LTBP1: variants seen among roughly 807,000 people sequenced by gnomAD.
LTBP1 encodes latent transforming growth factor beta binding protein 1.
Under a neutral mutation model 207.6 loss-of-function variants are expected in LTBP1, and 129 were observed. That is an observed-to-expected ratio of 0.62 (90% CI 0.54 to 0.72). LTBP1 has a LOEUF of 0.72. Among genes scored for constraint, LTBP1 ranks in the 30% least tolerant of loss-of-function variants. LTBP1 has a pLI of 0.00. For missense variants in LTBP1, 2,281 were observed against 2,217.2 expected (o/e 1.03, Z -0.58); for synonymous variants, 963 against 833.7 (o/e 1.16, Z -2.67).
At chr2:33,355,021 G>A (rs769975685) in intron 26 of LTBP1, among the ~76,000 whole-genome samples, 15 of 152,124 alleles carry the variant, frequency 9.9e-5, no homozygotes, top group Non-Finnish European at 2.1e-4. Context: ...ATGCATTTTG[G>A]ATCCTAGAAC....
chr2:33,119,252 A>G (rs965852096), intron 4 of LTBP1, among the ~76,000 whole-genome samples: 2 of 152,012 alleles, frequency 1.3e-5, no homozygotes, highest in African/African-American at 2.4e-5. Flanking sequence ...AAGAAAAGAG[A>G]TGGTGCCTCC....
At chr2:33,088,859 T>C (rs1572578905) in intron 3 of LTBP1, among the ~76,000 whole-genome samples, 1 of 151,960 alleles carries the variant, frequency 6.6e-6, no homozygotes, top group East Asian at 1.9e-4. Flanking sequence ...AGTTGTGCAT[T>C]GAAAATGCGT....
rs191191569 is a variant in LTBP1, at chr2:33,229,597, A to C, written c.1876+7446A>C. 2.2e-4 allele frequency among the ~76,000 whole-genome samples: 33 copies of C among 152,374 alleles called. No homozygotes were observed. The East Asian group carries it at 5.8e-3, about 27-fold the overall frequency. On this transcript the variant is annotated intron_variant, in intron 9 of 33. Transcript: ENST00000404816. The stretch of plus-strand genomic sequence containing the variant: ...TATATTAATAAAAATACCACTTTAG[A>C]AGTGATAGAAGTGCAAATTTGCAAG...
At chr2:33,113,544 G>C (rs2080538992) in intron 4 of LTBP1, among the ~76,000 whole-genome samples, 1 of 152,154 alleles carries the variant, frequency 6.6e-6, no homozygotes, top group African/African-American at 2.4e-5. Context: ...TATTTTATGG[G>C]ATTTTCCCAC....
At position 33,398,476 on chromosome 2, in the gene LTBP1, T is replaced by C; in HGVS notation, c.5097T>C (p.Ser1699=). The C allele has an allele frequency of 6.2e-7, 1 of 1,614,256 alleles. No homozygotes were observed. Among genetic ancestry groups the C allele is most frequent in the Non-Finnish European group, 8.5e-7 (1 of 1,180,034 alleles). Reference sequence around the variant, plus strand: ...TGTGTCTGCCAGGCTACGTGCCTTCTGACAAGCCAAACTACTGCACTCCGT... The same window carrying C: ...TGTGTCTGCCAGGCTACGTGCCTTCCGACAAGCCAAACTACTGCACTCCGT... ...KCLCLPGYVP[S]DKPNYCTPLN... The change falls in exon 34 of 34, where the codon TCT becomes TCC. Residue 1699 remains serine (S), a synonymous_variant. Coordinates refer to ENST00000404816, the MANE Select transcript of LTBP1 (RefSeq NM_206943.4).
At chr2:33,161,255 T>C (rs2084438459) in intron 5 of LTBP1, among the ~76,000 whole-genome samples, 1 of 151,606 alleles carries the variant, frequency 6.6e-6, no homozygotes, top group Non-Finnish European at 1.5e-5. Context: ...GAAGCTTTTT[T>C]TTTTTCCTTT....
At chr2:33,154,961 G>C (rs932713546) in intron 5 of LTBP1, among the ~76,000 whole-genome samples, 3 of 152,058 alleles carry the variant, frequency 2.0e-5, no homozygotes, top group South Asian at 2.1e-4. Context: ...GACTTGGGAG[G>C]CTGAGTCAGG....
intron 3 of LTBP1, among the ~76,000 whole-genome samples, chr2:33,064,369 C>A (rs769730122): frequency 6.6e-6 from 1 of 152,132 alleles, no homozygotes; most frequent in African/African-American, 2.4e-5. Flanking sequence ...AAAAGTTAGC[C>A]TCCCACAGTT....
At chr2:33,310,147 C>T (rs2094162421) in intron 23 of LTBP1, among the ~76,000 whole-genome samples, 1 of 152,070 alleles carries the variant, frequency 6.6e-6, no homozygotes, top group Non-Finnish European at 1.5e-5. Context: ...GGGGGTTTCA[C>T]CACCTTGGCC....
intron 7 of LTBP1, among the ~76,000 whole-genome samples, chr2:33,200,312 A>G (rs1351863687): frequency 6.6e-6 from 1 of 152,244 alleles, no homozygotes; most frequent in Admixed American, 6.5e-5. Flanking sequence ...AGCCCTCAGA[A>G]ATAATGCCAC....
chr2:32,983,734 A>G (rs553959661), intron 2 of LTBP1, among the ~76,000 whole-genome samples: 1 of 152,330 alleles, frequency 6.6e-6, no homozygotes, highest in East Asian at 1.9e-4. Context: ...GCCTGACGCC[A>G]TGTAAAATGT....
At chr2:33,092,848 C>T (rs1489613011) in intron 3 of LTBP1, among the ~76,000 whole-genome samples, 2 of 152,174 alleles carry the variant, frequency 1.3e-5, no homozygotes, top group African/African-American at 4.8e-5. Flanking sequence ...CACCTCTCTT[C>T]CCCACCCTCC....
intron 31 of LTBP1, among the ~76,000 whole-genome samples, chr2:33,375,935 T>A (rs1209709788): frequency 6.6e-6 from 1 of 151,564 alleles, no homozygotes; most frequent in African/African-American, 2.4e-5. Context: ...TCACATTTTA[T>A]CATCCTATTT....
intron 17 of LTBP1, 33 bp from the exon 18 acceptor site, chr2:33,275,768 A>G: frequency 6.2e-7 from 1 of 1,613,594 alleles, no homozygotes; most frequent in Non-Finnish European, 8.5e-7. Context: ...TATTTGGAAC[A>G]CAAAACTCAA....
intron 3 of LTBP1, among the ~76,000 whole-genome samples, chr2:33,102,394 C>T (rs2079789424): frequency 6.6e-6 from 1 of 152,120 alleles, no homozygotes; most frequent in Admixed American, 6.5e-5. Context: ...CCAGACATTG[C>T]CAAGTGTCCC....
rs1347710946 is a variant in LTBP1 at position 33,398,714 on chromosome 2, A to G, written c.*169A>G. On this transcript the variant is annotated 3_prime_UTR_variant, in exon 34 of 34. Transcript: ENST00000404816. ...TGAGAGGATTTAGGATGAGCCCGAT[A>G]GGTGTGGCAGACCAAATGGACATTT... 1.8e-6 allele frequency: 1 copy of G among 557,242 alleles called. No homozygotes were observed. The allele number at this position is 557,242 out of a possible 1,614,324, so 34.5% of individuals were successfully genotyped here.
chr2:33,364,043 A>G (rs574838004), intron 29 of LTBP1, among the ~76,000 whole-genome samples, 173 bp from the exon 30 acceptor site: 93 of 152,346 alleles, frequency 6.1e-4, no homozygotes, highest in Admixed American at 1.6e-3. Flanking sequence ...CAGTCAGAGC[A>G]GCTTACATTT....
In LTBP1 at chr2:33,288,594, G is replaced by A. The variant is rs574530576; in HGVS notation, c.3113-4566G>A. Among the ~76,000 whole-genome samples, 12 of 152,204 alleles carry A rather than the reference G, an allele frequency of 7.9e-5. No homozygotes were observed. The East Asian group carries it at 1.9e-3, about 25-fold the overall frequency. Reference sequence around the variant, plus strand: ...TTGGAGGCCAGGTGCGGTGGCTCACGCCTGTAATCTCAGCACTTTGGGAGG... The same window carrying A: ...TTGGAGGCCAGGTGCGGTGGCTCACACCTGTAATCTCAGCACTTTGGGAGG... On this transcript the variant is annotated intron_variant, in intron 19 of 33. Transcript: ENST00000404816.
At chr2:33,343,362 G>T (rs2094656457) in intron 25 of LTBP1, among the ~76,000 whole-genome samples, 2 of 144,216 alleles carry the variant, frequency 1.4e-5, no homozygotes, top group Non-Finnish European at 3.0e-5. Context: ...AATAAGCCGT[G>T]ATCATGCCAC....
Sources: gnomAD v4.1 joint callset for allele counts (sites outside exome capture counted in the v4.1 genomes callset) on GRCh38, gnomAD v4.1.1 for gene constraint, MANE v1.5 for transcripts, NCBI Gene and HGNC (gene_info 2026-07-23, HGNC 2026-07-21) for gene names.